Variants in PKIB observed in about 807,000 individuals in gnomAD.
The protein encoded by PKIB is PKI-beta.
A neutral mutation model predicts 4.5 loss-of-function variants in PKIB; 2 were observed. The observed-to-expected ratio is 0.44, with a 90% confidence interval of 0.18 to 1.39. The LOEUF (loss-of-function observed/expected upper bound fraction) is 1.39, where lower values mean the gene tolerates loss of function less well. PKIB is among the 40% of genes most tolerant of loss of function. The pLI, the probability that PKIB is intolerant of heterozygous loss-of-function variation, is 0.27. For missense variants in PKIB, 94 were observed against 92.6 expected (o/e 1.02, Z -0.06); for synonymous variants, 38 against 36.0 (o/e 1.06, Z -0.20).
intron 2 of PKIB, among the ~76,000 whole-genome samples, chr6:122,556,610 GT>G (rs1382499257): frequency 6.6e-6 from 1 of 152,168 alleles, no homozygotes; most frequent in Non-Finnish European, 1.5e-5. Flanking sequence ...AGATCTGCGG[GT>G]GCCTGAAGTG....
At chr6:122,595,922 GTAC>G (rs1280867258) in intron 3 of PKIB, among the ~76,000 whole-genome samples, 4 of 152,320 alleles carry the variant, frequency 2.6e-5, no homozygotes, top group Middle Eastern at 3.4e-3. Context: ...CCGTTGGTGA[GTAC>G]TCACATGGGA....
At chr6:122,676,111 T>C (rs1777661897) in intron 3 of PKIB, among the ~76,000 whole-genome samples, 1 of 151,802 alleles carries the variant, frequency 6.6e-6, no homozygotes, top group Non-Finnish European at 1.5e-5. Context: ...GTAGAATCAA[T>C]GGGAGCGCTG....
chr6:122,566,392 T>C (rs1773194517), intron 2 of PKIB, among the ~76,000 whole-genome samples: 1 of 152,100 alleles, frequency 6.6e-6, no homozygotes. Context: ...CTGAACTCAA[T>C]TATTTCACAA....
intron 2 of PKIB, among the ~76,000 whole-genome samples, chr6:122,649,661 GT>G (rs963746064): frequency 2.0e-5 from 3 of 152,162 alleles, no homozygotes; most frequent in African/African-American, 7.2e-5. Flanking sequence ...AAAATGCTTG[GT>G]GGGTCAGACA....
At chr6:122,604,167 A>G (rs1266386864) in intron 3 of PKIB, among the ~76,000 whole-genome samples, 2 of 152,212 alleles carry the variant, frequency 1.3e-5, no homozygotes, top group Non-Finnish European at 2.9e-5. Flanking sequence ...GAAAATACCA[A>G]TTTTGGAATA....
At position 122,531,025 on chromosome 6, in the gene PKIB, A is replaced by C. The variant is rs562503681; in HGVS notation, c.-248+53086A>C. The C allele has an allele frequency of 1.1e-4, 16 of 152,320 alleles. 1 individual carries two copies. Among genetic ancestry groups the C allele is most frequent in the Admixed American group, 9.8e-4 (15 of 15,294 alleles). The allele number at this position is 152,320 out of a possible 1,614,324, so 9.4% of individuals were successfully genotyped here. On this transcript the variant is annotated intron_variant, in intron 2 of 6. Transcript: ENST00000392491. ...TGTTATTGTCAACTCAGTGTCTATG[A>C]GGGAAGGAGAACTTTTAGCTTTCTA...
At chr6:122,480,014 A>G (rs1423162777) in intron 2 of PKIB, 1 of 151,990 alleles carries the variant, frequency 6.6e-6, no homozygotes, top group Non-Finnish European at 1.5e-5. Context: ...GGTTAGTTCT[A>G]TTTGATTTGT....
chr6:122,624,863 G>A (rs1030532235), intron 1 of PKIB, among the ~76,000 whole-genome samples: 27 of 152,154 alleles, frequency 1.8e-4, no homozygotes, highest in Non-Finnish European at 4.4e-5. Context: ...AAAATGCAAG[G>A]TGTCTACTAA....
intron 2 of PKIB, among the ~76,000 whole-genome samples, chr6:122,573,266 C>T (rs2114695186): frequency 6.6e-6 from 1 of 152,118 alleles, no homozygotes; most frequent in African/African-American, 2.4e-5. Context: ...GATAATACAT[C>T]ATGATTGGCT....
chr6:122,694,781 C>T (rs1039365257), intron 3 of PKIB, among the ~76,000 whole-genome samples: 15 of 152,172 alleles, frequency 9.9e-5, no homozygotes, highest in Admixed American at 7.9e-4. Flanking sequence ...GATCATTGAA[C>T]GGCTACTGAG....
chr6:122,616,817 C>A (rs1163548672), intron 1 of PKIB, among the ~76,000 whole-genome samples: 1 of 151,724 alleles, frequency 6.6e-6, no homozygotes, highest in Non-Finnish European at 1.5e-5. Context: ...GTGGATTGAT[C>A]AATAAATAGT....
At chr6:122,611,525 A>G (rs1291817595) in intron 1 of PKIB, among the ~76,000 whole-genome samples, 1 of 152,212 alleles carries the variant, frequency 6.6e-6, no homozygotes, top group Admixed American at 6.5e-5. Flanking sequence ...TCTAGAAAAA[A>G]AATTTTAAAA....
chr6:122,695,232 A>C (rs1778525190), intron 3 of PKIB, among the ~76,000 whole-genome samples: 1 of 152,182 alleles, frequency 6.6e-6, no homozygotes, highest in African/African-American at 2.4e-5. Context: ...GGCAAAACTA[A>C]CACACCTTAA....
intron 2 of PKIB, among the ~76,000 whole-genome samples, chr6:122,561,667 G>T (rs1247410120): frequency 6.6e-6 from 1 of 151,536 alleles, no homozygotes; most frequent in African/African-American, 2.4e-5. Flanking sequence ...TTTATATATT[G>T]TCCGTCTTTG....
At chr6:122,604,322 G>A (rs1185102904) in intron 3 of PKIB, among the ~76,000 whole-genome samples, 1 of 152,200 alleles carries the variant, frequency 6.6e-6, no homozygotes, top group South Asian at 2.1e-4. Flanking sequence ...TGTAAGATTG[G>A]ATGGCAACTT....
rs1249213538 is a variant in PKIB, at chr6:122,692,043, CAG to C, written c.-9+16902_-9+16903del. On this transcript the variant is annotated intron_variant, in intron 3 of 4. Transcript: ENST00000368452. The stretch of plus-strand genomic sequence containing the variant: ...CTTGCTTTACTTTCTCCCAAACAAA[CAG>C]AGTCTCCCTGTCTGTGCTGAGCTGC... Among the ~76,000 whole-genome samples the C allele has an allele frequency of 4.6e-5, 7 of 152,184 alleles. No individual in the cohort carries two copies. The South Asian group carries it at 6.2e-4, about 14-fold the overall frequency.
In PKIB at chr6:122,547,463, G is replaced by A. The variant is rs369156302; in HGVS notation, c.-247-38458G>A. Among the ~76,000 whole-genome samples the A allele has an allele frequency of 2.6e-3, 396 of 152,114 alleles. 1 individual carries two copies. The highest frequency in any genetic ancestry group is 9.0e-3 in the African/African-American group (373 of 41,438). On this transcript the variant is annotated intron_variant, in intron 2 of 6. Coordinates refer to the PKIB transcript ENST00000392491. ...CGATTCTCCTGCCTCAGCCTCCCTGGTAGCTGGAATTACAGGCGCCCGCCA... is the reference window on the plus strand; with the variant it reads ...CGATTCTCCTGCCTCAGCCTCCCTGATAGCTGGAATTACAGGCGCCCGCCA...
intron 4 of PKIB, 45 bp from the exon 5 acceptor site, chr6:122,725,083 T>G (rs1779901491): frequency 7.2e-7 from 1 of 1,392,628 alleles, no homozygotes; most frequent in East Asian, 2.3e-5. Context: ...TAATACAAAA[T>G]AAATTTCAAT....
At chr6:122,649,014 C>T (rs142494605) in intron 2 of PKIB, among the ~76,000 whole-genome samples, 1 of 152,334 alleles carries the variant, frequency 6.6e-6, no homozygotes, top group East Asian at 1.9e-4. Context: ...GAAAGAAGTG[C>T]AGTATCCACA....
Sources: allele counts gnomAD v4.1 joint callset (sites outside exome capture counted in the v4.1 genomes callset), GRCh38; gene constraint gnomAD v4.1.1; transcripts MANE v1.5; gene names NCBI Gene and HGNC (gene_info 2026-07-23, HGNC 2026-07-21).